The following KIF13B variants were observed in gnomAD, a reference collection of about 807,000 sequenced individuals.
The protein encoded by KIF13B is kinesin family member 13B.
In KIF13B, 127 loss-of-function variants were observed where a neutral mutation model predicts 222.0. The observed-to-expected ratio is 0.57, with a 90% confidence interval of 0.50 to 0.66. KIF13B has a LOEUF of 0.66. Ranked by LOEUF, KIF13B falls within the 30% of genes least tolerant of loss-of-function variation. The probability of loss-of-function intolerance (pLI) is 0.00; values close to 1 mark genes in which losing one functional copy is unlikely to be tolerated. For missense variants in KIF13B, 2,173 were observed against 2,379.0 expected (o/e 0.91, Z 1.80); for synonymous variants, 976 against 919.0 (o/e 1.06, Z -1.12).
chr8:29,216,526 G>C (rs901413162), intron 2 of KIF13B, among the ~76,000 whole-genome samples: 3 of 151,954 alleles, frequency 2.0e-5, no homozygotes, highest in African/African-American at 4.8e-5. Flanking sequence ...TTGAACCTGG[G>C]AGTAAAAGGT....
rs1364457842 is a variant in KIF13B, at chr8:29,196,197, C to T, written c.152G>A (p.Gly51Asp). The stretch of plus-strand genomic sequence containing the variant: ...AACCAAATCTCTTACCTTCGGCTGG[C>T]CCCTGAGCTCCCAAAACAGATGTCA... Reference protein sequence around the residue: ...NTNLSKGDARGQPKVFAYDHC... With the variant: ...NTNLSKGDARDQPKVFAYDHC... Residue 51 changes from glycine to aspartate, a missense_variant and splice_region_variant, in exon 3 of 40, where the codon GGC becomes GAC. Physicochemically the swap from Gly to Asp is moderately conservative, Grantham distance 94. Around this residue, in one of 2 missense-constraint regions of KIF13B, gnomAD observed 1,480 missense variants for 1,722.8 expected, o/e 0.86. Transcript: ENST00000524189. The T allele has an allele frequency of 2.5e-5, 39 of 1,562,236 alleles. No individual in the cohort carries two copies. Among genetic ancestry groups the T allele is most frequent in the Non-Finnish European group, 3.0e-5 (35 of 1,152,684 alleles).
chr8:29,208,985 T>G (rs939956319), intron 2 of KIF13B, among the ~76,000 whole-genome samples: 3 of 152,208 alleles, frequency 2.0e-5, no homozygotes, highest in Non-Finnish European at 4.4e-5. Flanking sequence ...GAGTGCACTC[T>G]GGTTAACAGT....
intron 1 of KIF13B, among the ~76,000 whole-genome samples, chr8:29,247,246 G>C (rs1229278097): frequency 6.6e-6 from 1 of 152,056 alleles, no homozygotes; most frequent in Non-Finnish European, 1.5e-5. Context: ...AAAGTAGCCA[G>C]GTATGGTGGT....
At chr8:29,191,497 G>T (rs1331852472) in intron 3 of KIF13B, among the ~76,000 whole-genome samples, 1 of 152,098 alleles carries the variant, frequency 6.6e-6, no homozygotes, top group Admixed American at 6.5e-5. Context: ...CATAAATTAT[G>T]ACATGCCCAT....
At position 29,180,459 on chromosome 8, in the gene KIF13B, C is replaced by A. The variant is rs548940461; in HGVS notation, c.586-221G>T. Among the ~76,000 whole-genome samples, 4 of 152,290 alleles carry A rather than the reference C, an allele frequency of 2.6e-5. No homozygotes were observed. The East Asian group carries it at 7.7e-4, about 29-fold the overall frequency. Reference sequence around the variant, plus strand: ...TCATTTGCTACAGGTACAGAGGTGGCAGCCTTGACTCAAAGTTCAGAAGCT... The same window carrying A: ...TCATTTGCTACAGGTACAGAGGTGGAAGCCTTGACTCAAAGTTCAGAAGCT... On this transcript the variant is annotated intron_variant, in intron 7 of 39. Transcript: ENST00000524189.
At chr8:29,246,429 T>C (rs1229350881) in intron 1 of KIF13B, among the ~76,000 whole-genome samples, 9 of 147,608 alleles carry the variant, frequency 6.1e-5, no homozygotes, top group Non-Finnish European at 8.9e-5. Context: ...AACTGTGATA[T>C]ATCAGTTAAA....
chr8:29,110,138 C>A, intron 32 of KIF13B, 68 bp from the exon 33 acceptor site: 1 of 1,228,188 alleles, frequency 8.1e-7, no homozygotes, highest in Non-Finnish European at 1.2e-6. Flanking sequence ...CACGCGTGCA[C>A]ACACAGACAC....
At chr8:29,148,010 C>T (rs906868265) in intron 16 of KIF13B, among the ~76,000 whole-genome samples, 6 of 152,104 alleles carry the variant, frequency 3.9e-5, no homozygotes, top group Admixed American at 1.3e-4. Flanking sequence ...CCAGCCTGGC[C>T]GACATGGCGA....
chr8:29,194,929 C>A (rs1813349697), intron 3 of KIF13B, among the ~76,000 whole-genome samples: 1 of 152,028 alleles, frequency 6.6e-6, no homozygotes, highest in African/African-American at 2.4e-5. Flanking sequence ...ATCTTCACTG[C>A]AACCTCCAGC....
chr8:29,169,683 T>G (rs1314897511), intron 10 of KIF13B, among the ~76,000 whole-genome samples: 1 of 152,238 alleles, frequency 6.6e-6, no homozygotes, highest in Non-Finnish European at 1.5e-5. Flanking sequence ...CATGACTGTT[T>G]GCTTTGCTCT....
intron 37 of KIF13B, among the ~76,000 whole-genome samples, chr8:29,088,692 T>C (rs1408360369): frequency 1.3e-5 from 2 of 152,242 alleles, no homozygotes; most frequent in Non-Finnish European, 2.9e-5. Flanking sequence ...ACAGCATTTT[T>C]CTTCTTCCTG....
chr8:29,118,351 C>T (rs1370661790), intron 30 of KIF13B, among the ~76,000 whole-genome samples: 2 of 151,268 alleles, frequency 1.3e-5, no homozygotes, highest in African/African-American at 2.4e-5. Flanking sequence ...AAAAATTAGC[C>T]AGGCATGGTG....
intron 26 of KIF13B, among the ~76,000 whole-genome samples, chr8:29,125,235 G>T (rs1257151192): frequency 2.0e-5 from 3 of 152,066 alleles, no homozygotes; most frequent in Non-Finnish European, 4.4e-5. Flanking sequence ...GGGGATAGGG[G>T]TTGTCATCAA....
chr8:29,239,643 T>A (rs948527121), intron 2 of KIF13B, among the ~76,000 whole-genome samples: 18 of 152,112 alleles, frequency 1.2e-4, no homozygotes, highest in Non-Finnish European at 1.5e-5. Context: ...TTACACAATA[T>A]ACCCTTGTTT....
chr8:29,080,461 C>T (rs866150901), intron 37 of KIF13B, among the ~76,000 whole-genome samples: 5 of 151,924 alleles, frequency 3.3e-5, no homozygotes, highest in South Asian at 2.1e-4. Context: ...GGGAGGCGGG[C>T]GGGGAGAACG....
At position 29,156,692 on chromosome 8, in the gene KIF13B, T is replaced by A. The variant is rs570746809; in HGVS notation, c.1405-836A>T. 1.6e-4 allele frequency among the ~76,000 whole-genome samples: 24 copies of A among 151,238 alleles called. 1 individual carries two copies. The East Asian group carries it at 1.8e-3, about 11-fold the overall frequency. ...CTTGACCAACTAATTTTTTTTTTTTTTTTTTTTTTGTAGAGACAGGGTCTC... is the reference window on the plus strand; with the variant it reads ...CTTGACCAACTAATTTTTTTTTTTTATTTTTTTTTGTAGAGACAGGGTCTC... On this transcript the variant is annotated intron_variant, in intron 13 of 39. Coordinates refer to ENST00000524189, the MANE Select transcript of KIF13B (RefSeq NM_015254.4).
chr8:29,219,646 G>A (rs1055917917), intron 2 of KIF13B, among the ~76,000 whole-genome samples: 5 of 151,754 alleles, frequency 3.3e-5, no homozygotes, highest in African/African-American at 9.7e-5. Flanking sequence ...CCAGCAACTC[G>A]GGAGGCTGCG....
intron 26 of KIF13B, among the ~76,000 whole-genome samples, chr8:29,124,328 G>T (rs1440506313): frequency 6.6e-6 from 1 of 152,200 alleles, no homozygotes; most frequent in Non-Finnish European, 1.5e-5. Flanking sequence ...AGAACAGAAA[G>T]GGCATTCTCA....
chr8:29,115,583 C>T (rs1809556527), intron 31 of KIF13B, among the ~76,000 whole-genome samples: 1 of 152,172 alleles, frequency 6.6e-6, no homozygotes, highest in Admixed American at 6.5e-5. Flanking sequence ...GCCTCGGCCT[C>T]CCAAAGTGTT....
Sources: allele counts gnomAD v4.1 joint callset (sites outside exome capture counted in the v4.1 genomes callset), GRCh38; gene constraint gnomAD v4.1.1; regional missense constraint gnomAD v4.1.1; transcripts MANE v1.5; gene names NCBI Gene and HGNC (gene_info 2026-07-23, HGNC 2026-07-21).